TET3: variants seen among roughly 807,000 people sequenced by gnomAD.
The protein encoded by TET3 is tet methylcytosine dioxygenase 3.
TET3 carries 19 observed loss-of-function variants against 141.4 expected under a neutral mutation model. The observed-to-expected ratio is 0.13, with a 90% CI of 0.09 to 0.20. The LOEUF is 0.20. TET3 is among the 10% of genes least tolerant of loss of function. The pLI, the probability that TET3 is intolerant of heterozygous loss-of-function variation, is 1.00. For missense variants in TET3, 1,874 were observed against 2,356.9 expected, an observed-to-expected ratio of 0.80 and a Z score of 4.24; for synonymous variants, 1,043 against 980.9, an observed-to-expected ratio of 1.06 and a Z score of -1.18.
Position 74,021,389 on chromosome 2 carries a change from G to A in TET3, c.360+18223G>A, listed in dbSNP as rs540732157. On this transcript the variant is annotated intron_variant, in intron 3 of 11. Transcript: ENST00000409262. ...GGCTGCCTAGGGCTTTAGCCCACCC[G>A]TTGGACAAAGTCTGTTTCTACACTG... Among the ~76,000 whole-genome samples the A allele has an allele frequency of 1.9e-4, 29 of 152,338 alleles. 1 individual carries two copies. In the South Asian group the frequency reaches 2.7e-3, roughly 14 times the overall value.
rs762454349 is a variant in TET3, at chr2:74,099,550, T to C, written c.3542T>C (p.Leu1181Pro). 4 of 1,610,006 alleles carry C rather than the reference T, an allele frequency of 2.5e-6. No individual in the cohort carries two copies. Among genetic ancestry groups the C allele is most frequent in the Non-Finnish European group, 3.4e-6 (4 of 1,178,122 alleles). ...AEKKKIQKEK[L>P]STPEKIKQEA... ...AAGAAGAAGATTCAGAAGGAGAAGCTGAGCACTCCGGAGAAGATCAAGCAG... is the reference window on the plus strand; with the variant it reads ...AAGAAGAAGATTCAGAAGGAGAAGCCGAGCACTCCGGAGAAGATCAAGCAG... Residue 1181 changes from leucine (L) to proline (P), a missense_variant, in exon 11 of 12, where the codon CTG (leucine) becomes CCG (proline). Around this residue, in one of 10 missense-constraint regions of TET3, gnomAD observed 602 missense variants for 590.2 expected, o/e 1.02. Transcript: ENST00000409262.
At chr2:74,092,544 C>G (rs1690560065) in intron 8 of TET3, among the ~76,000 whole-genome samples, 1 of 152,154 alleles carries the variant, frequency 6.6e-6, no homozygotes, top group African/African-American at 2.4e-5. Context: ...TTGCTCTTGG[C>G]TTTTTCAGTC....
At chr2:74,001,632 T>C (rs575839366) in intron 2 of TET3, among the ~76,000 whole-genome samples, 1 of 152,122 alleles carries the variant, frequency 6.6e-6, no homozygotes, top group South Asian at 2.1e-4. Context: ...CAGGGAGGGA[T>C]TGGGGTAGGG....
At chr2:74,073,757 A>AT in intron 5 of TET3, 118 bp downstream of exon 5, 1 of 800,838 alleles carries the variant, frequency 1.2e-6, no homozygotes, top group Non-Finnish European at 1.9e-6. Context: ...GGAAACCCTG[A>AT]TAACGGGCTT....
chr2:74,035,891 G>A (rs1466473822), intron 3 of TET3, among the ~76,000 whole-genome samples: 3 of 151,780 alleles, frequency 2.0e-5, no homozygotes, highest in Non-Finnish European at 4.4e-5. Flanking sequence ...GATGTTGTGC[G>A]CCTGTAGTCC....
At chr2:74,108,813 G>C (rs1424590143), downstream of TET3, among the ~76,000 whole-genome samples, 1 of 152,186 alleles carries the variant, frequency 6.6e-6, no homozygotes, top group African/African-American at 2.4e-5. Flanking sequence ...GTGTCTTTGA[G>C]GGACAACCAG....
chr2:74,012,171 G>T (rs534122757), intron 3 of TET3, among the ~76,000 whole-genome samples: 2 of 152,224 alleles, frequency 1.3e-5, no homozygotes, highest in African/African-American at 4.8e-5. Context: ...ATGTTGCCCA[G>T]GCTGGTCTCA....
Position 74,102,058 on chromosome 2 carries a change from A to C in TET3, c.5270A>C (p.Lys1757Thr). ...ACTGTGGTTGCTGAGCCCCAGCAGA[A>C]AGAGAAGAAGGGGGTCGTCCCCACC... ...GGTVVAEPQQ[K>T]EKKGVVPTRQ... The change falls in exon 12 of 12, where the codon AAA becomes ACA. Residue 1757 changes from lysine to threonine, a missense_variant. Lys to Thr is a moderately conservative substitution (Grantham distance 78, BLOSUM62 -1). Transcript: ENST00000409262. The C allele has an allele frequency of 1.3e-6, 2 of 1,529,212 alleles. No individual in the cohort carries two copies. Among genetic ancestry groups the C allele is most frequent in the African/African-American group, 2.8e-5 (2 of 72,154 alleles). The allele number at this position is 1,529,212 out of a possible 1,614,324, so 94.7% of individuals were successfully genotyped here. A position where few individuals can be genotyped will look rare whatever the true frequency, so the allele number is the denominator to read the frequency against.
At chr2:73,996,859 C>G (rs768328801) in intron 2 of TET3, among the ~76,000 whole-genome samples, 1 of 152,176 alleles carries the variant, frequency 6.6e-6, no homozygotes, top group African/African-American at 2.4e-5. Context: ...AAAAGAAGGC[C>G]GGCAGCCCAT....
chr2:74,131,988 T>A, the TET3 span, among the ~76,000 whole-genome samples: 1 of 152,082 alleles, frequency 6.6e-6, no homozygotes, highest in Non-Finnish European at 1.5e-5. Flanking sequence ...CCCGAAGAGT[T>A]CTCTGGTTGC....
intron 2 of TET3, among the ~76,000 whole-genome samples, chr2:73,998,125 GA>G (rs1463468981): frequency 6.6e-6 from 1 of 152,182 alleles, no homozygotes; most frequent in Non-Finnish European, 1.5e-5. Flanking sequence ...GAGAATCCTA[GA>G]GGTGGAAGGT....
chr2:74,016,179 G>A (rs745763267), intron 3 of TET3, among the ~76,000 whole-genome samples: 8 of 151,970 alleles, frequency 5.3e-5, no homozygotes, highest in Non-Finnish European at 1.2e-4. Context: ...ATCAGTGGGG[G>A]CAACATAGTG....
chr2:74,062,881 CTTTTT>C (rs10649388), intron 4 of TET3, among the ~76,000 whole-genome samples: 1 of 121,436 alleles, frequency 8.2e-6, no homozygotes, highest in Admixed American at 8.5e-5. Context: ...TCAGGTGAAA[CTTTTT>C]TTTTTTTTTT....
chr2:74,086,791 TAA>T (rs33942081), intron 6 of TET3, among the ~76,000 whole-genome samples: 80 of 94,000 alleles, frequency 8.5e-4, no homozygotes, highest in Admixed American at 1.6e-3. Context: ...ACCCTGACTC[TAA>T]AAAAAAAAAA....
Position 74,047,232 on chromosome 2 carries a change from A to G in TET3, c.1315A>G (p.Thr439Ala). 1 of 1,613,892 alleles carries G rather than the reference A, an allele frequency of 6.2e-7. No individual in the cohort carries two copies. The highest frequency in any genetic ancestry group is 8.5e-7 in the Non-Finnish European group (1 of 1,179,878). The change falls in exon 4 of 12, where the codon ACT becomes GCT. Residue 439 changes from threonine (T) to alanine (A), a missense_variant. Around this residue, in one of 10 missense-constraint regions of TET3, gnomAD observed 484 missense variants for 462.2 expected, o/e 1.05. Coordinates refer to ENST00000409262, the MANE Select transcript of TET3 (RefSeq NM_001287491.2). ...AACTGAGTTCCCTGAAGCCTGGGGC[A>G]CTGACACCCCTCCAGCAACGCCCCG... ...PRTEFPEAWG[T>A]DTPPATPRSS...
chr2:74,063,290 A>G (rs1252287573), intron 4 of TET3, among the ~76,000 whole-genome samples: 1 of 152,066 alleles, frequency 6.6e-6, no homozygotes, highest in Non-Finnish European at 1.5e-5. Context: ...CACTAGGTTA[A>G]GGTGGTAAGA....
chr2:74,057,683 G>A (rs989929751), intron 4 of TET3, among the ~76,000 whole-genome samples: 4 of 152,182 alleles, frequency 2.6e-5, no homozygotes, highest in Non-Finnish European at 5.9e-5. Flanking sequence ...TCTAGAAGCT[G>A]GGGATGCTGC....
chr2:74,119,731 A>G, the TET3 span, among the ~76,000 whole-genome samples: 1 of 152,258 alleles, frequency 6.6e-6, no homozygotes, highest in Non-Finnish European at 1.5e-5. Context: ...TGGCTGAATC[A>G]ATTATTACCA....
chr2:74,117,013 AG>A, the TET3 span, among the ~76,000 whole-genome samples: 1 of 152,034 alleles, frequency 6.6e-6, no homozygotes, highest in African/African-American at 2.4e-5. Flanking sequence ...GGCAAGGGAG[AG>A]GGGAGCGGGG....
Sources: gnomAD v4.1 joint callset for allele counts (sites outside exome capture counted in the v4.1 genomes callset) on GRCh38, gnomAD v4.1.1 for gene constraint, gnomAD v4.1.1 regional missense constraint, MANE v1.5 for transcripts, NCBI Gene and HGNC (gene_info 2026-07-23, HGNC 2026-07-21) for gene names.